The following ASB15 variants were observed in gnomAD, a reference collection of about 807,000 sequenced individuals.
ASB15 encodes the protein ankyrin repeat and SOCS box protein 15.
A neutral mutation model predicts 58.0 loss-of-function variants in ASB15; 54 were observed. That is an observed-to-expected ratio of 0.93 (90% CI 0.75 to 1.17). The LOEUF (loss-of-function observed/expected upper bound fraction) is 1.17. ASB15 is among the 50% of genes most tolerant of loss of function. The pLI, the probability that ASB15 is intolerant of heterozygous loss-of-function variation, is 0.00. For missense variants in ASB15, 680 were observed against 707.4 expected, an observed-to-expected ratio of 0.96 and a Z score of 0.44; for synonymous variants, 249 against 262.4, an observed-to-expected ratio of 0.95 and a Z score of 0.50.
At position 123,629,293 on chromosome 7, in the gene ASB15, G is replaced by T. The variant is rs1347506191; in HGVS notation, c.1299G>T (p.Arg433Ser). 1 of 1,614,074 alleles carries T rather than the reference G, an allele frequency of 6.2e-7. No individual in the cohort carries two copies. The highest frequency in any genetic ancestry group is 8.5e-7 in the Non-Finnish European group (1 of 1,179,976). The change falls in exon 10 of 12, where the codon AGG becomes AGT. Residue 433 changes from arginine to serine, a missense_variant. Coordinates refer to ENST00000451215, the MANE Select transcript of ASB15 (RefSeq NM_001290258.2). ...QYALNDEVML[R>S]LLLNNGYQVE... is the part of the protein sequence containing the mutation. ...CTCTAAACGACGAGGTAATGCTGAG[G>T]CTATTGCTGAATAATGGCTATCAAG...
In ASB15 at chr7:123,616,418, C is replaced by G. The variant is rs200086727; in HGVS notation, c.215C>G (p.Ala72Gly). 6.2e-7 allele frequency: 1 copy of G among 1,606,878 alleles called. No individual in the cohort carries two copies. Among genetic ancestry groups the G allele is most frequent in the African/African-American group, 1.3e-5 (1 of 74,652 alleles). ...AAATATAAATATGCAATGGATGAAG[C>G]TGATGAAAAAGGATGGTTTCCATTG... Reference protein sequence around the residue: ...YVKYKYAMDEADEKGWFPLHE... With the variant: ...YVKYKYAMDEGDEKGWFPLHE... The change falls in exon 6 of 12, where the codon GCT becomes GGT. Residue 72 changes from alanine (A) to glycine (G), a missense_variant. Physicochemically the swap from Ala to Gly is moderately conservative, Grantham distance 60 (BLOSUM62 0). Coordinates refer to ENST00000451215, the MANE Select transcript of ASB15 (RefSeq NM_001290258.2).
Position 123,628,849 on chromosome 7 carries a change from A to C in ASB15, c.870-15A>C. The C allele has an allele frequency of 6.8e-7, 1 of 1,460,140 alleles. No individual in the cohort carries two copies. The allele number at this position is 1,460,140 out of a possible 1,614,324, so 90.4% of individuals were successfully genotyped here. On this transcript the variant is annotated splice_polypyrimidine_tract_variant and intron_variant, in intron 9 of 11. Transcript: ENST00000451215. ...TTTCTTTATGGCAAGTAGATATTTG[A>C]CTTTTTTCTTTTAGTGCACTGAAAT...
exon 1 of ASB15, chr7:123,567,079 C>G (rs992223880): frequency 1.3e-5 from 2 of 152,146 alleles, no homozygotes; most frequent in African/African-American, 4.8e-5. Flanking sequence ...GCTATTTGAT[C>G]CTGACTAAGG....
chr7:123,587,314 T>G (rs941290140), intron 1 of ASB15, among the ~76,000 whole-genome samples: 6 of 151,694 alleles, frequency 4.0e-5, no homozygotes, highest in Admixed American at 2.0e-4. Flanking sequence ...CTATTGTATA[T>G]GGGATTTTAT....
intron 1 of ASB15, among the ~76,000 whole-genome samples, chr7:123,577,863 A>C (rs1354843825): frequency 6.6e-6 from 1 of 152,076 alleles, no homozygotes; most frequent in Admixed American, 6.6e-5. Flanking sequence ...TTTTGAAAAA[A>C]TATCAAGCGT....
chr7:123,617,199 T>C (rs1407156326), intron 6 of ASB15, among the ~76,000 whole-genome samples: 1 of 152,174 alleles, frequency 6.6e-6, no homozygotes. Context: ...GACACAGCGA[T>C]ACCTACATTC....
At chr7:123,604,580 T>TAA (rs36085557) in intron 2 of ASB15, among the ~76,000 whole-genome samples, 33 of 139,892 alleles carry the variant, frequency 2.4e-4, no homozygotes, top group Middle Eastern at 3.8e-3. Context: ...AGACTCTGTC[T>TAA]AAAAAAAAAA....
chr7:123,595,081 CA>C (rs1289005592), intron 1 of ASB15, among the ~76,000 whole-genome samples: 2 of 152,182 alleles, frequency 1.3e-5, no homozygotes, highest in African/African-American at 4.8e-5. Context: ...TAGCAGCAAG[CA>C]AGGCTCCGTG....
chr7:123,625,320 G>A (rs1000991731), intron 8 of ASB15, among the ~76,000 whole-genome samples: 13 of 152,114 alleles, frequency 8.5e-5, no homozygotes, highest in African/African-American at 2.9e-4. Flanking sequence ...AGTGCAAATA[G>A]TTTCTAACCA....
chr7:123,618,528 G>GA (rs925394608), intron 7 of ASB15, among the ~76,000 whole-genome samples: 32 of 152,158 alleles, frequency 2.1e-4, no homozygotes, highest in South Asian at 4.1e-4. Flanking sequence ...GAAAATTAGA[G>GA]AAAAAATATA....
intron 1 of ASB15, among the ~76,000 whole-genome samples, chr7:123,592,629 A>G (rs1218247427): frequency 1.6e-4 from 25 of 152,082 alleles, no homozygotes; most frequent in Non-Finnish European, 2.9e-5. Context: ...TTCTAATTTG[A>G]TTGCACTGTG....
intron 1 of ASB15, among the ~76,000 whole-genome samples, chr7:123,589,203 T>C (rs1383160032): frequency 2.0e-5 from 3 of 151,814 alleles, no homozygotes; most frequent in African/African-American, 7.3e-5. Context: ...TTCCTTACTA[T>C]GTTTAGGTGC....
At chr7:123,576,918 G>A (rs1253153853) in intron 1 of ASB15, among the ~76,000 whole-genome samples, 1 of 151,950 alleles carries the variant, frequency 6.6e-6, no homozygotes, top group Non-Finnish European at 1.5e-5. Flanking sequence ...TATTCTTCTT[G>A]TCATTCTCCG....
rs1232303062 is a variant in ASB15 at position 123,623,842 on chromosome 7, C to T, written c.452-727C>T. Among the ~76,000 whole-genome samples, 8 of 131,260 alleles carry T rather than the reference C, an allele frequency of 6.1e-5. No individual in the cohort carries two copies. In the East Asian group the frequency reaches 1.1e-3, roughly 19 times the overall value. The allele number at this position is 131,260 out of a possible 152,430, so 86.1% of individuals were successfully genotyped here. On this transcript the variant is annotated intron_variant, in intron 7 of 11. Transcript: ENST00000451215. ...TTGTGCCATCGCACTCCAGCCTGAG[C>T]GACAGAGCGAGACTCTGTCTCAAAA... is the stretch of plus-strand genomic sequence containing the variant.
chr7:123,597,079 G>C (rs1320915649), upstream of ASB15, among the ~76,000 whole-genome samples: 2 of 152,186 alleles, frequency 1.3e-5, no homozygotes, highest in Non-Finnish European at 2.9e-5. Context: ...GGTTTTGCTT[G>C]TTACCCTAGT....
chr7:123,626,493 A>ATAAAAT (rs1379600625), intron 8 of ASB15, among the ~76,000 whole-genome samples: 2 of 152,194 alleles, frequency 1.3e-5, no homozygotes, highest in African/African-American at 4.8e-5. Context: ...AAATAAATAA[A>ATAAAAT]TAAAATAAGA....
chr7:123,636,239 A>T (rs139297969), intron 11 of ASB15, among the ~76,000 whole-genome samples: 1 of 152,282 alleles, frequency 6.6e-6, no homozygotes, highest in East Asian at 1.9e-4. Context: ...ATAAAATCTC[A>T]ATCTTGCAAT....
intron 8 of ASB15, among the ~76,000 whole-genome samples, chr7:123,625,819 C>A (rs1025643324): frequency 6.6e-6 from 1 of 152,148 alleles, no homozygotes; most frequent in African/African-American, 2.4e-5. Context: ...CCTCTAGAAC[C>A]GCATGATCCC....
At chr7:123,574,391 C>T (rs1479814178) in intron 1 of ASB15, among the ~76,000 whole-genome samples, 1 of 152,120 alleles carries the variant, frequency 6.6e-6, no homozygotes, top group East Asian at 1.9e-4. Flanking sequence ...ACACAGATTG[C>T]TGGCTCCAGC....
Sources: allele counts gnomAD v4.1 joint callset (sites outside exome capture counted in the v4.1 genomes callset), GRCh38; gene constraint gnomAD v4.1.1; transcripts MANE v1.5; gene names NCBI Gene and HGNC (gene_info 2026-07-23, HGNC 2026-07-21).